ANKRD27: variants seen among roughly 807,000 people sequenced by gnomAD.
ANKRD27 encodes ankyrin repeat domain 27.
A neutral mutation model predicts 129.7 loss-of-function variants in ANKRD27; 112 were observed. The ratio of observed to expected loss-of-function variants is 0.86; its 90% CI spans 0.74 to 1.01. The LOEUF is 1.01. ANKRD27 is among the 50% of genes least tolerant of loss of function. ANKRD27 has a pLI of 0.00. For missense variants in ANKRD27, 1,258 were observed against 1,300.5 expected (o/e 0.97, Z 0.50); for synonymous variants, 516 against 511.2 (o/e 1.01, Z -0.13).
At chr19:32,673,760 C>G (rs947648718) in intron 1 of ANKRD27, among the ~76,000 whole-genome samples, 4 of 152,130 alleles carry the variant, frequency 2.6e-5, no homozygotes, top group South Asian at 2.1e-4. Flanking sequence ...AAAGGACGGA[C>G]CCCTGGGTGA....
chr19:32,655,999 C>T (rs554286570), intron 2 of ANKRD27, among the ~76,000 whole-genome samples: 3 of 144,274 alleles, frequency 2.1e-5, no homozygotes, highest in South Asian at 4.4e-4. Flanking sequence ...GCCTGGGCAA[C>T]ACAGTGAGAC....
chr19:32,598,576 G>C (rs918949377), intron 28 of ANKRD27, among the ~76,000 whole-genome samples, 198 bp from the exon 29 acceptor site: 1 of 152,112 alleles, frequency 6.6e-6, no homozygotes, highest in Non-Finnish European at 1.5e-5. Flanking sequence ...TGTTTCACTT[G>C]TTTTCACAAT....
chr19:32,644,086 G>A (rs1176628380), intron 5 of ANKRD27, among the ~76,000 whole-genome samples: 3 of 151,834 alleles, frequency 2.0e-5, no homozygotes, highest in Non-Finnish European at 4.4e-5. Flanking sequence ...TGTTACCCAG[G>A]CTGGTCTTGA....
intron 1 of ANKRD27, among the ~76,000 whole-genome samples, chr19:32,667,047 G>A (rs986943019): frequency 6.6e-6 from 1 of 152,154 alleles, no homozygotes; most frequent in African/African-American, 2.4e-5. Context: ...CTCTTATGAG[G>A]GTCATTTCCA....
At position 32,605,931 on chromosome 19, in the gene ANKRD27, C is replaced by A. The variant is rs752094955; in HGVS notation, c.2397G>T (p.Ser799=). The change falls in exon 24 of 29, where the codon TCG becomes TCT. Residue 799 remains serine (S), a synonymous_variant. Transcript: ENST00000306065. ...HFQVVKCLLD[S]NAKPNKKDLS... ...GGTCCTTCTTATTGGGTTTTGCATT[C>A]GAATCTAACAGACACTTCACCACCT... 3.7e-6 allele frequency: 6 copies of A among 1,613,682 alleles called. No individual in the cohort carries two copies. The Admixed American group carries it at 5.0e-5, about 13-fold the overall frequency.
intron 1 of ANKRD27, among the ~76,000 whole-genome samples, chr19:32,664,009 TCCC>T: frequency 8.3e-6 from 1 of 120,378 alleles, no homozygotes; most frequent in East Asian, 2.5e-4. Flanking sequence ...TGAGCCGAGA[TCCC>T]GCCACTGCAC....
intron 5 of ANKRD27, chr19:32,643,885 C>T (rs259227): frequency 0.68 from 320,403 of 474,218 alleles, 101,150 homozygotes; most frequent in African/African-American, 0.88. Flanking sequence ...TTTGTTTTTT[C>T]TTTTTAAGAG....
intron 13 of ANKRD27, 98 bp from the exon 14 acceptor site, chr19:32,628,947 GTC>G (rs1491218163): frequency 1.6e-5 from 21 of 1,353,504 alleles, no homozygotes; most frequent in Non-Finnish European, 1.9e-5. Flanking sequence ...TTGAGATGGA[GTC>G]TCGTCCTGTC....
At chr19:32,646,895 G>A (rs780247865) in intron 3 of ANKRD27, among the ~76,000 whole-genome samples, 7 of 152,072 alleles carry the variant, frequency 4.6e-5, no homozygotes, top group East Asian at 1.9e-4. Context: ...GTGCGACCTC[G>A]GCTCACTGCA....
At chr19:32,673,252 T>C (rs2145333801) in intron 1 of ANKRD27, 2 of 976,036 alleles carry the variant, frequency 2.0e-6, no homozygotes, top group Non-Finnish European at 1.2e-6. Flanking sequence ...GTCTATCCAA[T>C]GTCAGATCCC....
At chr19:32,613,650 C>T (rs936919518) in intron 22 of ANKRD27, among the ~76,000 whole-genome samples, 26 of 151,252 alleles carry the variant, frequency 1.7e-4, no homozygotes, top group African/African-American at 3.2e-4. Context: ...TGGAATCAAA[C>T]GGAGTGAAGA....
At chr19:32,628,337 C>A (rs901452943) in intron 14 of ANKRD27, among the ~76,000 whole-genome samples, 172 bp from the exon 15 acceptor site, 1 of 152,208 alleles carries the variant, frequency 6.6e-6, no homozygotes, top group African/African-American at 2.4e-5. Flanking sequence ...GGAACAGAGG[C>A]ACCTGGCCCT....
At chr19:32,603,262 C>T (rs148817163) in intron 25 of ANKRD27, among the ~76,000 whole-genome samples, 241 of 152,266 alleles carry the variant, frequency 1.6e-3, no homozygotes, top group African/African-American at 5.2e-3. Flanking sequence ...CACGCCACAA[C>T]AGAGCAAGAC....
intron 18 of ANKRD27, among the ~76,000 whole-genome samples, chr19:32,621,172 G>GC (rs11385120): frequency 0.74 from 112,498 of 152,048 alleles, 42,040 homozygotes; most frequent in African/African-American, 0.84. Context: ...ATAAAAGGGA[G>GC]CAGTAAAACA....
Position 32,617,614 on chromosome 19 carries a change from G to T in ANKRD27, c.2027C>A (p.Ala676Glu), listed in dbSNP as rs1442765021. ...CATTTCTAGATCTCCATCAGCAACT[G>T]CTCTCAAAAGTTTTTCTACCTTAAT... ...DYREVEKLLR[A>E]VADGDLEMVR... is the part of the protein sequence containing the mutation. Residue 676 changes from alanine to glutamate, a missense_variant, in exon 21 of 29, where the codon GCA becomes GAA. Coordinates refer to ENST00000306065, the MANE Select transcript of ANKRD27 (RefSeq NM_032139.3). 1.3e-6 allele frequency: 1 copy of T among 755,326 alleles called. No individual in the cohort carries two copies. 46.8% of individuals were successfully genotyped at this position (755,326 alleles called of 1,614,324 possible).
intron 1 of ANKRD27, among the ~76,000 whole-genome samples, chr19:32,665,358 C>T (rs889330096): frequency 2.7e-5 from 4 of 150,778 alleles, no homozygotes; most frequent in African/African-American, 9.8e-5. Context: ...GGCACAATCT[C>T]AGCTCACTGC....
rs560959834 is a variant in ANKRD27 at position 32,661,234 on chromosome 19, C to T, written c.-30-2189G>A. Among the ~76,000 whole-genome samples the T allele has an allele frequency of 8.6e-5, 13 of 150,876 alleles. No homozygotes were observed. The South Asian group carries it at 2.7e-3, about 32-fold the overall frequency. On this transcript the variant is annotated intron_variant, in intron 1 of 28. Transcript: ENST00000306065. Reference sequence around the variant, plus strand: ...AAAAAAAATTATACACACACACACACACACACACACACACACATATACTCA... The same window carrying T: ...AAAAAAAATTATACACACACACACATACACACACACACACACATATACTCA...
chr19:32,656,099 G>GAAAGAAAGA (rs1216296315), intron 2 of ANKRD27, among the ~76,000 whole-genome samples: 4 of 123,260 alleles, frequency 3.2e-5, no homozygotes, highest in Admixed American at 8.2e-5. Flanking sequence ...AAGAAAGAAA[G>GAAAGAAAGA]AAAGAAAGAA....
In ANKRD27 at chr19:32,649,704, T is replaced by C; in HGVS notation, c.191A>G (p.His64Arg). 2 of 1,612,688 alleles carry C rather than the reference T, an allele frequency of 1.2e-6. No individual in the cohort carries two copies. The highest frequency in any genetic ancestry group is 1.7e-6 in the Non-Finnish European group (2 of 1,179,054). ...ESYILIPVEE[H>R]FQTLNGKDVF... Reference sequence around the variant, plus strand: ...TACCTTTCCATTTAAGGTCTGAAAATGCTCTTCCACAGGTATCAAAATGTA... The same window carrying C: ...TACCTTTCCATTTAAGGTCTGAAAACGCTCTTCCACAGGTATCAAAATGTA... The change falls in exon 3 of 29, where the codon CAT (histidine) becomes CGT (arginine). Residue 64 changes from histidine (H) to arginine (R), a missense_variant. By Grantham distance (29) the His-to-Arg change is conservative. Coordinates refer to ENST00000306065, the MANE Select transcript of ANKRD27 (RefSeq NM_032139.3).
Sources: allele counts gnomAD v4.1 joint callset (sites outside exome capture counted in the v4.1 genomes callset), GRCh38; gene constraint gnomAD v4.1.1; transcripts MANE v1.5; gene names NCBI Gene and HGNC (gene_info 2026-07-23, HGNC 2026-07-21).